Variants in SCN3A observed in about 807,000 individuals in gnomAD.
SCN3A encodes sodium channel protein type 3 subunit alpha.
In SCN3A, 60 loss-of-function variants were observed where a neutral mutation model predicts 187.6. The ratio of observed to expected loss-of-function variants is 0.32; its 90% CI spans 0.26 to 0.40. SCN3A has a LOEUF of 0.40. Among genes scored for constraint, SCN3A ranks in the 10% least tolerant of loss-of-function variants. The pLI, the probability that SCN3A is intolerant of heterozygous loss-of-function variation, is 1.00. For synonymous variants in SCN3A, 788 were observed against 829.2 expected (o/e 0.95, Z 0.85); for missense variants, 1,601 against 2,428.2 (o/e 0.66, Z 7.16).
At chr2:165,095,261 A>T (rs1175484609) in intron 25 of SCN3A, among the ~76,000 whole-genome samples, 1 of 152,182 alleles carries the variant, frequency 6.6e-6, no homozygotes, top group African/African-American at 2.4e-5. Flanking sequence ...AAGCTAAAGC[A>T]CTGGAGACCC....
chr2:165,130,656 A>G (rs1433968106), intron 16 of SCN3A, among the ~76,000 whole-genome samples: 1 of 152,184 alleles, frequency 6.6e-6, no homozygotes, highest in Non-Finnish European at 1.5e-5. Flanking sequence ...AAGAAATATT[A>G]AAAGTATAAA....
intron 18 of SCN3A, among the ~76,000 whole-genome samples, chr2:165,119,537 T>A (rs1686547663): frequency 6.6e-6 from 1 of 152,196 alleles, no homozygotes; most frequent in Admixed American, 6.5e-5. Context: ...ATATGATACA[T>A]ATCTATACTA....
At chr2:165,150,041 A>C (rs1331950136) in intron 11 of SCN3A, among the ~76,000 whole-genome samples, 1 of 152,170 alleles carries the variant, frequency 6.6e-6, no homozygotes, top group Non-Finnish European at 1.5e-5. Flanking sequence ...TTTGTTCTAG[A>C]GCTTACTCCC....
chr2:165,108,757 T>C (rs1685977384), intron 21 of SCN3A, among the ~76,000 whole-genome samples: 1 of 152,182 alleles, frequency 6.6e-6, no homozygotes, highest in Admixed American at 6.5e-5. Flanking sequence ...TGTGTAGTTA[T>C]AGGATGGTAT....
At chr2:165,180,176 T>C (rs192106913) in intron 2 of SCN3A, among the ~76,000 whole-genome samples, 78 of 152,264 alleles carry the variant, frequency 5.1e-4, no homozygotes, top group African/African-American at 1.8e-3. Context: ...CAGTATATCA[T>C]ATTTGAGGAA....
intron 19 of SCN3A, among the ~76,000 whole-genome samples, chr2:165,114,323 C>A (rs1686257344): frequency 6.6e-6 from 1 of 152,180 alleles, no homozygotes; most frequent in South Asian, 2.1e-4. Context: ...TTTGTTTATT[C>A]ATATTTTGAT....
At chr2:165,119,538 A>G (rs986533360) in intron 18 of SCN3A, among the ~76,000 whole-genome samples, 1 of 152,190 alleles carries the variant, frequency 6.6e-6, no homozygotes, top group Admixed American at 6.5e-5. Flanking sequence ...TATGATACAT[A>G]TCTATACTAT....
At chr2:165,167,764 AT>A (rs1441649192) in intron 5 of SCN3A, among the ~76,000 whole-genome samples, 2 of 152,108 alleles carry the variant, frequency 1.3e-5, no homozygotes, top group Admixed American at 6.5e-5. Context: ...AATGAAGGGC[AT>A]TTTTTCTCAC....
At chr2:165,160,792 A>C (rs958666506) in intron 9 of SCN3A, among the ~76,000 whole-genome samples, 1 of 152,014 alleles carries the variant, frequency 6.6e-6, no homozygotes, top group Non-Finnish European at 1.5e-5. Flanking sequence ...GGTGTGCCCC[A>C]CCACACCCAG....
chr2:165,172,247 A>G (rs1690153639), intron 3 of SCN3A, among the ~76,000 whole-genome samples: 1 of 152,016 alleles, frequency 6.6e-6, no homozygotes, highest in Non-Finnish European at 1.5e-5. Context: ...TTAACTAACC[A>G]TTTTTCAGAA....
At chr2:165,106,620 A>C (rs1685872901) in intron 21 of SCN3A, among the ~76,000 whole-genome samples, 1 of 152,246 alleles carries the variant, frequency 6.6e-6, no homozygotes, top group African/African-American at 2.4e-5. Flanking sequence ...GGAAAGTAAC[A>C]GTAGATGCTG....
chr2:165,142,398 T>A (rs987589380), intron 12 of SCN3A, among the ~76,000 whole-genome samples: 1 of 152,166 alleles, frequency 6.6e-6, no homozygotes, highest in African/African-American at 2.4e-5. Context: ...AGAATAATCT[T>A]TGTTGTCCTC....
intron 1 of SCN3A, among the ~76,000 whole-genome samples, chr2:165,189,218 A>G (rs1460744387): frequency 6.6e-6 from 1 of 152,214 alleles, no homozygotes; most frequent in African/African-American, 2.4e-5. Context: ...TTTAGGATAT[A>G]GTATAAAGGA....
chr2:165,130,899 T>A (rs1687275643), intron 16 of SCN3A, among the ~76,000 whole-genome samples: 1 of 152,090 alleles, frequency 6.6e-6, no homozygotes, highest in East Asian at 1.9e-4. Flanking sequence ...TTCCTAGAAG[T>A]AGGGTTAATA....
intron 21 of SCN3A, among the ~76,000 whole-genome samples, chr2:165,110,986 A>G (rs960074579): frequency 6.6e-6 from 1 of 152,220 alleles, no homozygotes; most frequent in African/African-American, 2.4e-5. Flanking sequence ...TCGAAGTACA[A>G]TGCAGTAGTT....
intron 21 of SCN3A, among the ~76,000 whole-genome samples, chr2:165,100,894 T>C (rs1482361881): frequency 6.6e-6 from 1 of 152,248 alleles, no homozygotes; most frequent in African/African-American, 2.4e-5. Flanking sequence ...TCGTATACGT[T>C]TTTTTATCAG....
At position 165,168,744 on chromosome 2, in the gene SCN3A, C is replaced by T. The variant is rs1689931221; in HGVS notation, c.465G>A (p.Lys155=). The T allele has an allele frequency of 1.2e-6, 2 of 1,606,146 alleles. No homozygotes were observed. The highest frequency in any genetic ancestry group is 1.3e-5 in the African/African-American group (1 of 74,832). The part of the protein sequence containing the change: ...MTLSNPPDWT[K]NVEYTFTGIY... The stretch of plus-strand genomic sequence containing the variant: ...AAGTTATTCCTACTTACTCTACATT[C>T]TTTGTCCAGTCAGGAGGGTTGCTCA... The change falls in exon 5 of 28, where the codon AAG becomes AAA. Residue 155 remains lysine (K), a synonymous_variant. Transcript: ENST00000283254.
chr2:165,167,280 T>C (rs1029462759), intron 5 of SCN3A, among the ~76,000 whole-genome samples: 4 of 152,216 alleles, frequency 2.6e-5, no homozygotes, highest in Non-Finnish European at 5.9e-5. Context: ...TCATGTATAG[T>C]AAATGAGAGT....
In SCN3A at chr2:165,097,360, A is replaced by G. The variant is rs766449380; in HGVS notation, c.4131T>C (p.Asp1377=). The G allele has an allele frequency of 1.9e-6, 3 of 1,614,000 alleles. No homozygotes were observed. Among genetic ancestry groups the G allele is most frequent in the African/African-American group, 2.7e-5 (2 of 74,930 alleles). The change falls in exon 23 of 28, where the codon GAT becomes GAC. Residue 1377 remains aspartate (D), a synonymous_variant. Transcript: ENST00000283254. Reference sequence around the variant, plus strand: ...CCTGACAGTCACTCAAATTGTTAACATCACTAATGTCAAACATGTTACCCG... The same window carrying G: ...CCTGACAGTCACTCAAATTGTTAACGTCACTAATGTCAAACATGTTACCCG... ...MTTGNMFDIS[D]VNNLSDCQAL...
Sources: allele counts gnomAD v4.1 joint callset (sites outside exome capture counted in the v4.1 genomes callset), GRCh38; gene constraint gnomAD v4.1.1; transcripts MANE v1.5; gene names NCBI Gene and HGNC (gene_info 2026-07-23, HGNC 2026-07-21).